The following DYNC2H1 variants were observed in gnomAD, a reference collection of about 807,000 sequenced individuals.
DYNC2H1 encodes cytoplasmic dynein 2 heavy chain 1.
A neutral mutation model predicts 570.0 loss-of-function variants in DYNC2H1; 410 were observed. The ratio of observed to expected loss-of-function variants is 0.72; its 90% CI spans 0.66 to 0.78. The LOEUF (loss-of-function observed/expected upper bound fraction) is 0.78. Ranked by LOEUF, DYNC2H1 falls within the 30% of genes least tolerant of loss-of-function variation. The probability of loss-of-function intolerance (pLI) is 0.00; values close to 1 mark genes in which losing one functional copy is unlikely to be tolerated. For synonymous variants in DYNC2H1, 1,688 were observed against 1,677.6 expected (o/e 1.01, Z -0.15); for missense variants, 4,865 against 5,046.4 (o/e 0.96, Z 1.09).
intron 39 of DYNC2H1, among the ~76,000 whole-genome samples, chr11:103,180,228 T>C (rs955617474): frequency 6.6e-6 from 1 of 151,684 alleles, no homozygotes. Context: ...GGTAAGTTTT[T>C]AGTTAAATTT....
chr11:103,179,300 G>A (rs1169758366), intron 39 of DYNC2H1, 67 bp downstream of exon 39: 8 of 1,408,818 alleles, frequency 5.7e-6, no homozygotes, highest in Admixed American at 1.9e-5. Context: ...TTCATATTAA[G>A]TAAAATAAGT....
intron 83 of DYNC2H1, among the ~76,000 whole-genome samples, chr11:103,378,889 T>C (rs939669744): frequency 1.3e-5 from 2 of 152,224 alleles, no homozygotes; most frequent in African/African-American, 4.8e-5. Context: ...AAAGTGACTA[T>C]TTCTTTCCTT....
intron 75 of DYNC2H1, among the ~76,000 whole-genome samples, chr11:103,298,565 TA>T (rs138204128): frequency 1.3e-5 from 2 of 152,278 alleles, no homozygotes; most frequent in Non-Finnish European, 2.9e-5. Flanking sequence ...AAAATCATAC[TA>T]TTTCTAAGCA....
intron 84 of DYNC2H1, among the ~76,000 whole-genome samples, chr11:103,432,965 C>G (rs1169975403): frequency 6.6e-6 from 1 of 152,104 alleles, no homozygotes; most frequent in Non-Finnish European, 1.5e-5. Context: ...TTAATAGCTA[C>G]CTCTTTTTTA....
At chr11:103,121,337 T>G (rs1437390490) in intron 9 of DYNC2H1, 35 bp from the exon 10 acceptor site, 5 of 1,551,414 alleles carry the variant, frequency 3.2e-6, no homozygotes, top group Non-Finnish European at 4.4e-6. Context: ...CTTTGCTAAT[T>G]CTTTGTAATC....
Position 103,174,048 on chromosome 11 carries a change from A to G in DYNC2H1, c.5559-7A>G, listed in dbSNP as rs757458911. ...TTGATGTGTTGATTTCCATGTCTCTATTTCAGGGAACTTTTGACACCTCAG... is the reference window on the plus strand; with the variant it reads ...TTGATGTGTTGATTTCCATGTCTCTGTTTCAGGGAACTTTTGACACCTCAG... On this transcript the variant is annotated splice_region_variant and splice_polypyrimidine_tract_variant and intron_variant, in intron 35 of 88. Coordinates refer to ENST00000375735, the MANE Select transcript of DYNC2H1 (RefSeq NM_001377.3). The G allele has an allele frequency of 1.9e-6, 3 of 1,567,824 alleles. No homozygotes were observed. The highest frequency in any genetic ancestry group is 1.9e-5 in the Admixed American group (1 of 53,814).
chr11:103,161,243 T>G (rs1281982343), intron 29 of DYNC2H1, among the ~76,000 whole-genome samples, 199 bp downstream of exon 29: 1 of 152,066 alleles, frequency 6.6e-6, no homozygotes, highest in South Asian at 2.1e-4. Flanking sequence ...TTTGTAGTCT[T>G]TGGAAGGCAG....
At chr11:103,432,772 C>G (rs944509070) in intron 84 of DYNC2H1, among the ~76,000 whole-genome samples, 6 of 152,178 alleles carry the variant, frequency 3.9e-5, no homozygotes, top group African/African-American at 1.4e-4. Flanking sequence ...ACTGCAGTTA[C>G]TTTTGCACTT....
Position 103,248,695 on chromosome 11 carries a change from C to T in DYNC2H1, c.10042+3321C>T, listed in dbSNP as rs143361416. Among the ~76,000 whole-genome samples, 3 of 152,110 alleles carry T rather than the reference C, an allele frequency of 2.0e-5. No individual in the cohort carries two copies. In the East Asian group the frequency reaches 5.8e-4, roughly 29 times the overall value. ...GTGTAAAAATATAGATTCCTTTGCA[C>T]TTTCTGTCATAATACATTTCTTTCA... is the stretch of plus-strand genomic sequence containing the variant. On this transcript the variant is annotated intron_variant, in intron 65 of 88. Transcript: ENST00000375735.
At chr11:103,117,179 G>A (rs936638080) in intron 5 of DYNC2H1, among the ~76,000 whole-genome samples, 11 of 147,518 alleles carry the variant, frequency 7.5e-5, no homozygotes, top group African/African-American at 2.7e-4. Context: ...TATCCATACA[G>A]TAGGCTCTGC....
chr11:103,341,813 A>G (rs747427466), intron 82 of DYNC2H1, among the ~76,000 whole-genome samples: 1 of 152,216 alleles, frequency 6.6e-6, no homozygotes, highest in Non-Finnish European at 1.5e-5. Flanking sequence ...CCAAACTTAG[A>G]TACTGAGTTC....
In DYNC2H1 at chr11:103,244,038, C is replaced by T. The variant is rs527250730; in HGVS notation, c.9918+247C>T. On this transcript the variant is annotated intron_variant, in intron 64 of 88. Coordinates refer to ENST00000375735, the MANE Select transcript of DYNC2H1 (RefSeq NM_001377.3). The surrounding 1 kb of genome is among the most constrained non-coding windows in gnomAD (Gnocchi z 4.3). Reference sequence around the variant, plus strand: ...TGAGTTCCTTCCCTTATAAAGATGACAGTCTAGTAGGTTAGAGAAACAATT... The same window carrying T: ...TGAGTTCCTTCCCTTATAAAGATGATAGTCTAGTAGGTTAGAGAAACAATT... 3.8e-4 allele frequency among the ~76,000 whole-genome samples: 58 copies of T among 152,176 alleles called. No homozygotes were observed. The highest frequency in any genetic ancestry group is 1.4e-3 in the African/African-American group (58 of 41,554).
rs1183540020 is a variant in DYNC2H1 at position 103,209,854 on chromosome 11, T to A, written c.8455-22T>A. 6.9e-7 allele frequency: 1 copy of A among 1,451,846 alleles called. No individual in the cohort carries two copies. Among genetic ancestry groups the A allele is most frequent in the Non-Finnish European group, 9.1e-7 (1 of 1,097,990 alleles). 89.9% of individuals were successfully genotyped at this position (1,451,846 alleles called of 1,614,324 possible). A position where few individuals can be genotyped will look rare whatever the true frequency, so the allele number is the denominator to read the frequency against. ...ATATGGGACTTATACTCTTTCATAGTGATATTCTTTTTATGTTTTAGATAC... is the reference window on the plus strand; with the variant it reads ...ATATGGGACTTATACTCTTTCATAGAGATATTCTTTTTATGTTTTAGATAC... On this transcript the variant is annotated intron_variant, in intron 52 of 88. Coordinates refer to ENST00000375735, the MANE Select transcript of DYNC2H1 (RefSeq NM_001377.3). The surrounding 1 kb of genome is among the most constrained non-coding windows in gnomAD (Gnocchi z 4.2).
chr11:103,223,363 A>T (rs1197452276), intron 59 of DYNC2H1, among the ~76,000 whole-genome samples: 1 of 152,040 alleles, frequency 6.6e-6, no homozygotes, highest in Non-Finnish European at 1.5e-5. Flanking sequence ...AGTTTCATAA[A>T]GGAATTTTTT....
intron 39 of DYNC2H1, among the ~76,000 whole-genome samples, chr11:103,179,951 C>A (rs1591368488): frequency 6.6e-6 from 1 of 151,120 alleles, no homozygotes; most frequent in Non-Finnish European, 1.5e-5. Context: ...TTTTTTAGTA[C>A]CATTTAAAGT....
intron 75 of DYNC2H1, among the ~76,000 whole-genome samples, chr11:103,288,950 C>T (rs189029254): frequency 1.3e-4 from 20 of 150,936 alleles, no homozygotes; most frequent in Non-Finnish European, 2.5e-4. Context: ...AGAGTCTGAA[C>T]GTCTTCAAAT....
rs532644983 is a variant in DYNC2H1, at chr11:103,358,243, G to A, written c.12040G>A (p.Val4014Ile). The A allele has an allele frequency of 9.1e-5, 140 of 1,533,190 alleles. 1 individual carries two copies. In the South Asian group the frequency reaches 1.6e-3, roughly 18 times the overall value. 95.0% of individuals were successfully genotyped at this position (1,533,190 alleles called of 1,614,324 possible). The change falls in exon 83 of 89, where the codon GTT (valine) becomes ATT (isoleucine). Residue 4014 changes from valine to isoleucine, a missense_variant and splice_region_variant. Coordinates refer to ENST00000375735, the MANE Select transcript of DYNC2H1 (RefSeq NM_001377.3). ...TGATACTTATTATTTTTTTATTCAG[G>A]TTATTTCACAGTTGAGGATTTTGGG... ...RSSQRMISSQ[V>I]ISQLRILGRS... is the part of the protein sequence containing the mutation.
In DYNC2H1 at chr11:103,209,031, A is replaced by G. The variant is rs1591411553; in HGVS notation, c.8455-845A>G. On this transcript the variant is annotated intron_variant, in intron 52 of 88. Coordinates refer to ENST00000375735, the MANE Select transcript of DYNC2H1 (RefSeq NM_001377.3). The surrounding 1 kb of genome is among the most constrained non-coding windows in gnomAD (Gnocchi z 4.2). Reference sequence around the variant, plus strand: ...AGGTTTAAGTGTTTTGTCAGAAATCAGTGAAGGCATACTCTCTGTCACAAG... The same window carrying G: ...AGGTTTAAGTGTTTTGTCAGAAATCGGTGAAGGCATACTCTCTGTCACAAG... 6.6e-6 allele frequency among the ~76,000 whole-genome samples: 1 copy of G among 152,312 alleles called. No homozygotes were observed. The highest frequency in any genetic ancestry group is 2.4e-5 in the African/African-American group (1 of 41,582).
intron 88 of DYNC2H1, among the ~76,000 whole-genome samples, chr11:103,470,939 G>A (rs1320398821): frequency 6.6e-6 from 1 of 152,082 alleles, no homozygotes; most frequent in Admixed American, 6.5e-5. Context: ...CCAGTAATGG[G>A]ATGGCTGGGT....
Sources: allele counts gnomAD v4.1 joint callset (sites outside exome capture counted in the v4.1 genomes callset), GRCh38; gene constraint gnomAD v4.1.1; non-coding constraint Gnocchi (gnomAD v3.1); transcripts MANE v1.5; gene names NCBI Gene and HGNC (gene_info 2026-07-23, HGNC 2026-07-21).